Variants in PARN observed in about 807,000 individuals in gnomAD.
PARN encodes poly(A)-specific ribonuclease, also known as poly(A)-specific ribonuclease PARN.
PARN carries 71 observed loss-of-function variants against 102.8 expected under a neutral mutation model. That is an observed-to-expected ratio of 0.69 (90% CI 0.57 to 0.84). The LOEUF (loss-of-function observed/expected upper bound fraction) is 0.84, where lower values mean the gene tolerates loss of function less well. Ranked by LOEUF, PARN falls within the 40% of genes least tolerant of loss-of-function variation. The pLI, the probability that PARN is intolerant of heterozygous loss-of-function variation, is 0.00. For synonymous variants in PARN, 261 were observed against 252.9 expected (o/e 1.03, Z -0.30); for missense variants, 782 against 760.9 (o/e 1.03, Z -0.33).
intron 21 of PARN, among the ~76,000 whole-genome samples, chr16:14,501,155 G>A (rs968477106): frequency 1.2e-4 from 18 of 151,536 alleles, no homozygotes; most frequent in African/African-American, 4.4e-4. Flanking sequence ...AGAGAAAAGC[G>A]AGCAGGTTGG....
At chr16:14,620,715 G>T (rs940528885) in intron 5 of PARN, among the ~76,000 whole-genome samples, 3 of 152,092 alleles carry the variant, frequency 2.0e-5, no homozygotes, top group African/African-American at 7.2e-5. Flanking sequence ...TAATTCAAGG[G>T]TAAATGTTCT....
intron 21 of PARN, among the ~76,000 whole-genome samples, chr16:14,490,050 T>TG (rs1963973875): frequency 6.6e-6 from 1 of 152,090 alleles, no homozygotes; most frequent in African/African-American, 2.4e-5. Context: ...CCCAGATACT[T>TG]GGAGGGGTGA....
chr16:14,586,105 G>T (rs1165381720), intron 14 of PARN, among the ~76,000 whole-genome samples: 2 of 150,328 alleles, frequency 1.3e-5, no homozygotes, highest in Non-Finnish European at 2.9e-5. Context: ...TCAGCCTCCT[G>T]AGTAGCTGGA....
At chr16:14,585,240 A>G (rs1265768703) in intron 14 of PARN, among the ~76,000 whole-genome samples, 1 of 152,218 alleles carries the variant, frequency 6.6e-6, no homozygotes. Flanking sequence ...ATTCTTCTGC[A>G]GGGCCAAAAT....
chr16:14,613,492 A>G (rs1198678386), intron 6 of PARN, among the ~76,000 whole-genome samples: 1 of 152,006 alleles, frequency 6.6e-6, no homozygotes, highest in African/African-American at 2.4e-5. Context: ...GCGTGGTGCC[A>G]CGCGCCTATA....
intron 18 of PARN, among the ~76,000 whole-genome samples, chr16:14,556,346 G>C (rs2151712032): frequency 6.6e-6 from 1 of 151,206 alleles, no homozygotes; most frequent in East Asian, 1.9e-4. Context: ...TTTTAGTACA[G>C]ATGGGGTTTC....
chr16:14,620,792 C>T (rs144645129), intron 5 of PARN, among the ~76,000 whole-genome samples: 297 of 152,246 alleles, frequency 2.0e-3, no homozygotes, highest in African/African-American at 6.3e-3. Flanking sequence ...CTATGGACCA[C>T]GGAATGACTG....
At chr16:14,504,691 A>G (rs971465242) in intron 21 of PARN, among the ~76,000 whole-genome samples, 1 of 152,218 alleles carries the variant, frequency 6.6e-6, no homozygotes, top group African/African-American at 2.4e-5. Context: ...GCTATTTGGG[A>G]AAAAGTAACA....
intron 22 of PARN, among the ~76,000 whole-genome samples, chr16:14,447,809 G>C (rs1452895609): frequency 1.3e-5 from 2 of 152,096 alleles, no homozygotes; most frequent in African/African-American, 4.8e-5. Context: ...TAGCCCCCAA[G>C]TTATGAAAGC....
intron 18 of PARN, among the ~76,000 whole-genome samples, chr16:14,580,651 C>T (rs909759152): frequency 2.6e-5 from 4 of 151,974 alleles, no homozygotes; most frequent in Non-Finnish European, 4.4e-5. Context: ...TACTATACTA[C>T]GTCTAGCAAT....
chr16:14,469,509 A>C (rs1596466642), intron 22 of PARN, among the ~76,000 whole-genome samples: 1 of 152,224 alleles, frequency 6.6e-6, no homozygotes. Context: ...AGATTCTTGA[A>C]TGGCCAAAAA....
chr16:14,450,985 T>C (rs1961419159), intron 22 of PARN, among the ~76,000 whole-genome samples: 1 of 152,098 alleles, frequency 6.6e-6, no homozygotes, highest in African/African-American at 2.4e-5. Flanking sequence ...ACTCCGACTC[T>C]CCACTATAAA....
intron 21 of PARN, among the ~76,000 whole-genome samples, chr16:14,523,463 A>C (rs1945478535): frequency 2.0e-5 from 3 of 152,224 alleles, no homozygotes; most frequent in Admixed American, 1.3e-4. Flanking sequence ...ACACTGTCTT[A>C]ACCACATTCT....
At chr16:14,566,703 T>C (rs1268596069) in intron 18 of PARN, among the ~76,000 whole-genome samples, 1 of 152,204 alleles carries the variant, frequency 6.6e-6, no homozygotes, top group Non-Finnish European at 1.5e-5. Context: ...CAACAAGTTA[T>C]TTTAAATTAT....
intron 21 of PARN, among the ~76,000 whole-genome samples, chr16:14,486,430 C>T (rs772910179): frequency 1.3e-5 from 2 of 152,172 alleles, no homozygotes; most frequent in Non-Finnish European, 2.9e-5. Flanking sequence ...AGGCTTGGGT[C>T]AATATTCCCC....
chr16:14,508,066 T>A (rs58484061), intron 21 of PARN, among the ~76,000 whole-genome samples: 11,700 of 152,274 alleles, frequency 0.077, 726 homozygotes, highest in African/African-American at 0.17. Flanking sequence ...GTGATTATGT[T>A]TCATTATTGT....
intron 21 of PARN, among the ~76,000 whole-genome samples, chr16:14,508,659 T>C (rs750849153): frequency 5.3e-5 from 8 of 151,670 alleles, no homozygotes; most frequent in Non-Finnish European, 1.0e-4. Flanking sequence ...TTTCTGAATG[T>C]ATGCAAATCA....
At chr16:14,526,269 C>T (rs1216640524) in intron 21 of PARN, among the ~76,000 whole-genome samples, 3 of 151,818 alleles carry the variant, frequency 2.0e-5, no homozygotes, top group South Asian at 2.1e-4. Flanking sequence ...CTCCGCCTCC[C>T]GGGTTCACGC....
chr16:14,477,445 A>G (rs1323188208), intron 22 of PARN, among the ~76,000 whole-genome samples: 5 of 145,318 alleles, frequency 3.4e-5, no homozygotes, highest in African/African-American at 1.0e-4. Context: ...GTCTCAAAAA[A>G]AAAAAAAACA....
Sources: gnomAD v4.1 joint callset for allele counts (sites outside exome capture counted in the v4.1 genomes callset) on GRCh38, gnomAD v4.1.1 for gene constraint, MANE v1.5 for transcripts, NCBI Gene and HGNC (gene_info 2026-07-23, HGNC 2026-07-21) for gene names.